Variants in POU6F2 observed in about 807,000 individuals in gnomAD.
POU6F2 encodes POU domain, class 6, transcription factor 2.
In POU6F2, 31 loss-of-function variants were observed where a neutral mutation model predicts 71.3. The observed-to-expected ratio is 0.43, with a 90% confidence interval of 0.33 to 0.59. POU6F2 has a LOEUF of 0.59. Ranked by LOEUF, POU6F2 falls within the 20% of genes least tolerant of loss-of-function variation. The pLI, the probability that POU6F2 is intolerant of heterozygous loss-of-function variation, is 0.04. For synonymous variants in POU6F2, 347 were observed against 355.7 expected, an observed-to-expected ratio of 0.98 and a Z score of 0.27; for missense variants, 783 against 856.8, an observed-to-expected ratio of 0.91 and a Z score of 1.07.
chr7:39,017,058 A>G (rs1789570617), intron 1 of POU6F2, among the ~76,000 whole-genome samples: 1 of 152,130 alleles, frequency 6.6e-6, no homozygotes, highest in Non-Finnish European at 1.5e-5. Flanking sequence ...AGGTTTTACA[A>G]CTTCTATTTT....
chr7:39,374,019 A>G (rs926869891), intron 5 of POU6F2, among the ~76,000 whole-genome samples: 16 of 152,248 alleles, frequency 1.1e-4, no homozygotes, highest in African/African-American at 2.4e-5. Context: ...TCACATGGTT[A>G]TTAAAGTCAG....
chr7:39,396,844 G>A (rs1430867747), intron 5 of POU6F2, among the ~76,000 whole-genome samples: 1 of 151,742 alleles, frequency 6.6e-6, no homozygotes, highest in African/African-American at 2.4e-5. Context: ...AGGCAGGGGT[G>A]GGGAGATGTA....
At chr7:39,010,413 T>G (rs1251301592) in intron 1 of POU6F2, among the ~76,000 whole-genome samples, 1 of 151,206 alleles carries the variant, frequency 6.6e-6, no homozygotes, top group African/African-American at 2.4e-5. Context: ...TTCTTCTCTC[T>G]TTTTTTCTTT....
chr7:39,234,665 C>T (rs1018738518), intron 4 of POU6F2, among the ~76,000 whole-genome samples: 2 of 152,110 alleles, frequency 1.3e-5, no homozygotes, highest in Admixed American at 6.5e-5. Context: ...GGTGCAAAAG[C>T]ATCTTTTGTT....
At chr7:39,356,945 AC>A (rs1484420202) in intron 5 of POU6F2, among the ~76,000 whole-genome samples, 1 of 152,194 alleles carries the variant, frequency 6.6e-6, no homozygotes, top group East Asian at 1.9e-4. Context: ...CAAAGTAAGG[AC>A]CATCATTTTC....
intron 1 of POU6F2, among the ~76,000 whole-genome samples, chr7:39,056,666 GTGTGTGTGTGTA>G (rs1241710694): frequency 5.4e-5 from 7 of 129,322 alleles, no homozygotes; most frequent in Middle Eastern, 3.8e-3. Flanking sequence ...CTCTCTCTGT[GTGTGTGTGTGTA>G]TGTGTGTGTG....
intron 2 of POU6F2, among the ~76,000 whole-genome samples, chr7:39,130,090 AT>A (rs369326014): frequency 0.067 from 9,480 of 140,678 alleles, 519 homozygotes; most frequent in Non-Finnish European, 0.09. Context: ...AAAAAAAAAA[AT>A]TTCACAGCAT....
intron 2 of POU6F2, among the ~76,000 whole-genome samples, chr7:39,175,274 T>C (rs1793304857): frequency 6.6e-6 from 1 of 152,240 alleles, no homozygotes; most frequent in Admixed American, 6.5e-5. Context: ...TCCAGCTTTC[T>C]ACTAGACACT....
At chr7:39,003,319 C>T (rs1026824282) in intron 1 of POU6F2, among the ~76,000 whole-genome samples, 1 of 151,202 alleles carries the variant, frequency 6.6e-6, no homozygotes, top group Non-Finnish European at 1.5e-5. Flanking sequence ...TGAAATAAAC[C>T]ACAAAAATAG....
In POU6F2 at chr7:38,996,035, C is replaced by CTTTTTTTTTTTT. The variant is rs5883669; in HGVS notation, c.105+17988_105+17999dup. 6.0e-4 allele frequency among the ~76,000 whole-genome samples: 51 copies of CTTTTTTTTTTTT among 85,358 alleles called. 1 individual carries two copies. Among genetic ancestry groups the CTTTTTTTTTTTT allele is most frequent in the Non-Finnish European group, 7.8e-4 (36 of 45,888 alleles). The allele number at this position is 85,358 out of a possible 152,430, so 56.0% of individuals were successfully genotyped here. A position where few individuals can be genotyped will look rare whatever the true frequency, so the allele number is the denominator to read the frequency against. On this transcript the variant is annotated intron_variant, in intron 1 of 9. Transcript: ENST00000518318. ...TGAAGCTCCTTAGTAAGGGGCTTGG[C>CTTTTTTTTTTTT]TTTTTTTTTTTTTTTTTTTTTTAGA...
chr7:39,321,533 G>A (rs555313010), intron 4 of POU6F2, among the ~76,000 whole-genome samples: 1 of 152,278 alleles, frequency 6.6e-6, no homozygotes, highest in African/African-American at 2.4e-5. Context: ...TTCATGTGAA[G>A]GGAGATGATG....
rs147022668 is a variant in POU6F2 at position 39,314,883 on chromosome 7, TA to T, written c.599-24749del. On this transcript the variant is annotated intron_variant, in intron 4 of 9. Transcript: ENST00000518318. ...CTTCTGAACTTTAAAGTAGATAACT[TA>T]AAAAAAAAACAAAAAACCTCTTAGT... 5.6e-4 allele frequency among the ~76,000 whole-genome samples: 83 copies of T among 147,308 alleles called. No individual in the cohort carries two copies. In the Middle Eastern group the frequency reaches 0.018, roughly 31 times the overall value.
chr7:39,171,041 T>TA (rs1491536269), intron 2 of POU6F2, among the ~76,000 whole-genome samples: 2 of 143,470 alleles, frequency 1.4e-5, no homozygotes, highest in African/African-American at 2.5e-5. Flanking sequence ...TTTTTTTTTT[T>TA]ACTTTAAGTT....
Position 39,204,273 on chromosome 7 carries a change from C to G in POU6F2, c.316C>G (p.Pro106Ala). 6.2e-7 allele frequency: 1 copy of G among 1,613,864 alleles called. No individual in the cohort carries two copies. The highest frequency in any genetic ancestry group is 1.1e-5 in the South Asian group (1 of 91,050). The change falls in exon 3 of 10, where the codon CCT (proline) becomes GCT (alanine). Residue 106 changes from proline (P) to alanine (A), a missense_variant. This residue lies in a region of POU6F2 where 572 missense variants were observed against 572.9 expected (regional missense o/e 1.00). Transcript: ENST00000518318. ...CCCAGCATTATCAGACCCAGGCACT[C>G]CTGACCAACACCAGGCCAGTCAGAC... ...GNPALSDPGT[P>A]DQHQASQTHP...
intron 4 of POU6F2, among the ~76,000 whole-genome samples, chr7:39,289,331 C>T (rs1185719160): frequency 6.6e-6 from 1 of 152,254 alleles, no homozygotes; most frequent in Non-Finnish European, 1.5e-5. Context: ...GCTATGAAAC[C>T]ACCCACCACG....
intron 2 of POU6F2, among the ~76,000 whole-genome samples, chr7:39,179,168 C>T (rs1250482586): frequency 1.3e-5 from 2 of 152,118 alleles, no homozygotes; most frequent in African/African-American, 2.4e-5. Flanking sequence ...TATATCAAGA[C>T]GATTGTCTTA....
At chr7:39,083,127 C>T (rs1036008045) in intron 1 of POU6F2, among the ~76,000 whole-genome samples, 4 of 152,128 alleles carry the variant, frequency 2.6e-5, no homozygotes, top group African/African-American at 4.8e-5. Context: ...CATTTCAGCT[C>T]GTCAGTGTGA....
intron 1 of POU6F2, among the ~76,000 whole-genome samples, chr7:38,983,829 T>C (rs993062372): frequency 6.6e-6 from 1 of 152,116 alleles, no homozygotes; most frequent in African/African-American, 2.4e-5. Context: ...ATGTAAGTAA[T>C]AGCAAAATAA....
intron 1 of POU6F2, among the ~76,000 whole-genome samples, chr7:39,056,678 A>ATGTGTGTGTG (rs3057270): frequency 0.045 from 6,376 of 142,160 alleles, 162 homozygotes; most frequent in East Asian, 0.14. Context: ...GTGTGTGTGT[A>ATGTGTGTGTG]TGTGTGTGTG....
Sources: gnomAD v4.1 joint callset for allele counts (sites outside exome capture counted in the v4.1 genomes callset) on GRCh38, gnomAD v4.1.1 for gene constraint, gnomAD v4.1.1 regional missense constraint, MANE v1.5 for transcripts, NCBI Gene and HGNC (gene_info 2026-07-23, HGNC 2026-07-21) for gene names.